The following SLC9B1 variants were observed in gnomAD, a reference collection of about 807,000 sequenced individuals.
SLC9B1 encodes the protein solute carrier family 9 member B1.
Under a neutral mutation model 51.7 loss-of-function variants are expected in SLC9B1, and 32 were observed. The ratio of observed to expected loss-of-function variants is 0.62; its 90% CI spans 0.47 to 0.83. The LOEUF is 0.83. Ranked by LOEUF, SLC9B1 falls within the 40% of genes least tolerant of loss-of-function variation. The probability of loss-of-function intolerance (pLI) is 0.00; values close to 1 mark genes in which losing one functional copy is unlikely to be tolerated. For synonymous variants in SLC9B1, 145 were observed against 212.7 expected, an observed-to-expected ratio of 0.68 and a Z score of 2.77; for missense variants, 406 against 613.2, an observed-to-expected ratio of 0.66 and a Z score of 3.57.
chr4:102,913,006 C>A (rs1255609298), intron 7 of SLC9B1, among the ~76,000 whole-genome samples: 1 of 152,094 alleles, frequency 6.6e-6, no homozygotes, highest in African/African-American at 2.4e-5. Context: ...TTCCATAAAC[C>A]ATTAAGAAGC....
intron 3 of SLC9B1, among the ~76,000 whole-genome samples, chr4:102,967,942 A>C (rs1738519357): frequency 6.6e-6 from 1 of 152,212 alleles, no homozygotes; most frequent in Non-Finnish European, 1.5e-5. Context: ...ATTGATCTAC[A>C]AATTAACTGC....
chr4:102,939,248 G>A (rs1399101855), intron 6 of SLC9B1, among the ~76,000 whole-genome samples: 3 of 151,400 alleles, frequency 2.0e-5, no homozygotes, highest in South Asian at 2.1e-4. Context: ...CAGAGACTAC[G>A]ATGAACATCT....
At chr4:102,966,767 G>T (rs868668743) in intron 3 of SLC9B1, among the ~76,000 whole-genome samples, 4 of 152,118 alleles carry the variant, frequency 2.6e-5, no homozygotes, top group African/African-American at 7.2e-5. Flanking sequence ...TTTAGTATTG[G>T]TTGTTCTGCT....
intron 1 of SLC9B1, among the ~76,000 whole-genome samples, chr4:103,017,932 C>T (rs2110550683): frequency 6.6e-6 from 1 of 152,336 alleles, no homozygotes. Context: ...GACTTCTCTA[C>T]TTAACTCACA....
chr4:102,952,087 T>C (rs1737593303), intron 3 of SLC9B1, among the ~76,000 whole-genome samples: 1 of 9,378 alleles, frequency 1.1e-4, no homozygotes, highest in Non-Finnish European at 1.8e-4. Context: ...CATCTAGCAT[T>C]AGGTATATCT....
Position 102,971,070 on chromosome 4 carries a change from A to T in SLC9B1, c.211+18730T>A, listed in dbSNP as rs1183712363. Among the ~76,000 whole-genome samples the T allele has an allele frequency of 3.3e-5, 5 of 152,332 alleles. No homozygotes were observed. The East Asian group carries it at 7.7e-4, about 24-fold the overall frequency. ...TTTAACACCCCACTGTCAATATTAGACAGATCAATGAGACAGAAGGTTAAC... is the reference window on the plus strand; with the variant it reads ...TTTAACACCCCACTGTCAATATTAGTCAGATCAATGAGACAGAAGGTTAAC... On this transcript the variant is annotated intron_variant, in intron 3 of 11. Coordinates refer to ENST00000296422, the MANE Select transcript of SLC9B1 (RefSeq NM_139173.4).
intron 10 of SLC9B1, 23 bp from the exon 11 acceptor site, chr4:102,905,673 T>G: frequency 6.3e-7 from 1 of 1,596,336 alleles, no homozygotes. Flanking sequence ...AAAACAAACA[T>G]AAATAACAAA....
intron 7 of SLC9B1, among the ~76,000 whole-genome samples, chr4:102,921,105 C>A (rs1438818302): frequency 1.3e-5 from 2 of 152,040 alleles, no homozygotes; most frequent in African/African-American, 4.8e-5. Flanking sequence ...AAGAAACATA[C>A]TTATCAGATT....
chr4:102,898,303 AAAC>A (rs1320630699), downstream of SLC9B1: 1 of 446,504 alleles, frequency 2.2e-6, no homozygotes, highest in Non-Finnish European at 4.3e-6. Context: ...TCAATATCAA[AAAC>A]CTTAAATACT....
intron 11 of SLC9B1, chr4:102,890,840 T>TAAAAAAAAAAAAAAAA (rs199492699): frequency 2.0e-4 from 15 of 76,168 alleles, no homozygotes; most frequent in African/African-American, 1.0e-3. Context: ...AACCCTATCT[T>TAAAAAAAAAAAAAAAA]AAAAAAAAAA....
chr4:102,885,098 C>T (rs1733836561), exon 12 of SLC9B1: 2 of 806,758 alleles, frequency 2.5e-6, no homozygotes, highest in East Asian at 5.1e-5. Context: ...TTTATGGATC[C>T]ATTAAAAAGG....
intron 3 of SLC9B1, among the ~76,000 whole-genome samples, chr4:102,966,071 G>A (rs901405006): frequency 1.3e-5 from 2 of 152,220 alleles, no homozygotes; most frequent in African/African-American, 4.8e-5. Flanking sequence ...GCTCTCACTG[G>A]TTGGAATTGG....
intron 3 of SLC9B1, among the ~76,000 whole-genome samples, chr4:102,968,003 T>G (rs978638114): frequency 2.0e-5 from 3 of 152,204 alleles, no homozygotes; most frequent in Non-Finnish European, 2.9e-5. Flanking sequence ...ACAAGCTGAT[T>G]CTAAAATTAT....
chr4:102,963,726 C>A lies in SLC9B1; in HGVS notation c.212-14299G>T, dbSNP rs1031278440. 5.3e-5 allele frequency among the ~76,000 whole-genome samples: 8 copies of A among 152,100 alleles called. No individual in the cohort carries two copies. The East Asian group carries it at 1.5e-3, about 29-fold the overall frequency. On this transcript the variant is annotated intron_variant, in intron 3 of 11. Coordinates refer to ENST00000296422, the MANE Select transcript of SLC9B1 (RefSeq NM_139173.4). Reference sequence around the variant, plus strand: ...AATGCAGTGGTATAAATCCTTTTCCCCCAGCCTATTTTTATAAATAAAATG... The same window carrying A: ...AATGCAGTGGTATAAATCCTTTTCCACCAGCCTATTTTTATAAATAAAATG...
chr4:102,979,538 A>G (rs1269809264), intron 3 of SLC9B1, among the ~76,000 whole-genome samples: 1 of 152,120 alleles, frequency 6.6e-6, no homozygotes, highest in African/African-American at 2.4e-5. Context: ...TCAGCTTTCC[A>G]GACAGGAGGA....
intron 3 of SLC9B1, among the ~76,000 whole-genome samples, chr4:102,963,544 C>T (rs1738254409): frequency 6.6e-6 from 1 of 152,232 alleles, no homozygotes; most frequent in African/African-American, 2.4e-5. Context: ...TCTTCTCTCA[C>T]TCCCTTTCTT....
At chr4:102,929,763 C>A (rs1736360674) in intron 7 of SLC9B1, among the ~76,000 whole-genome samples, 3 of 152,208 alleles carry the variant, frequency 2.0e-5, no homozygotes, top group African/African-American at 7.2e-5. Context: ...CTCAAGTGAT[C>A]CACCCACTTT....
intron 7 of SLC9B1, among the ~76,000 whole-genome samples, chr4:102,927,947 C>A (rs555548902): frequency 6.6e-6 from 1 of 152,130 alleles, no homozygotes; most frequent in South Asian, 2.1e-4. Context: ...AAGCTGGAAA[C>A]CATCACTCTC....
At chr4:102,962,798 A>G in intron 3 of SLC9B1, 1 of 475,850 alleles carries the variant, frequency 2.1e-6, no homozygotes, top group South Asian at 1.5e-5. Context: ...TGATACAGTC[A>G]AGGAATTTGC....
Sources: allele counts gnomAD v4.1 joint callset (sites outside exome capture counted in the v4.1 genomes callset), GRCh38; gene constraint gnomAD v4.1.1; transcripts MANE v1.5; gene names NCBI Gene and HGNC (gene_info 2026-07-23, HGNC 2026-07-21).